Variants in NAV3 observed in about 807,000 individuals in gnomAD.
NAV3 encodes the protein neuron navigator 3.
NAV3 carries 87 observed loss-of-function variants against 244.7 expected under a neutral mutation model. That is an observed-to-expected ratio of 0.36 (90% CI 0.30 to 0.42). The LOEUF is 0.42. NAV3 is among the 20% of genes least tolerant of loss of function. NAV3 has a pLI of 1.00. For missense variants in NAV3, 2,663 were observed against 2,893.3 expected (o/e 0.92, Z 1.83); for synonymous variants, 1,126 against 1,042.2 (o/e 1.08, Z -1.55).
At chr12:77,593,560 C>T (rs1870016339) in intron 2 of NAV3, among the ~76,000 whole-genome samples, 1 of 151,004 alleles carries the variant, frequency 6.6e-6, no homozygotes, top group Admixed American at 6.6e-5. Context: ...AGCGATTCTC[C>T]TGCCTTGGCC....
At chr12:77,874,824 AG>A (rs1881610683) in intron 1 of NAV3, among the ~76,000 whole-genome samples, 2 of 152,142 alleles carry the variant, frequency 1.3e-5, no homozygotes, top group Non-Finnish European at 2.9e-5. Context: ...CAATGAATTA[AG>A]CATCAGAGAC....
chr12:77,601,742 G>C (rs1484339486), intron 2 of NAV3, among the ~76,000 whole-genome samples: 1 of 151,978 alleles, frequency 6.6e-6, no homozygotes, highest in East Asian at 1.9e-4. Context: ...GGCTCCTGAA[G>C]AATAGACTGT....
intron 2 of NAV3, among the ~76,000 whole-genome samples, chr12:77,729,616 G>T (rs542096082): frequency 6.6e-6 from 1 of 151,844 alleles, no homozygotes. Context: ...AATAAACAAC[G>T]TTTTACCTCT....
chr12:77,939,808 A>G (rs1424377252), intron 1 of NAV3, among the ~76,000 whole-genome samples: 5 of 152,164 alleles, frequency 3.3e-5, no homozygotes, highest in African/African-American at 9.7e-5. Flanking sequence ...ATCCAAATCA[A>G]ATTTCTTAGA....
At chr12:77,591,116 G>A (rs1043082578) in intron 2 of NAV3, among the ~76,000 whole-genome samples, 7 of 152,112 alleles carry the variant, frequency 4.6e-5, no homozygotes, top group African/African-American at 1.7e-4. Context: ...AAATATATGA[G>A]ATAAAAACTG....
At chr12:77,929,073 A>G (rs1328607463) in intron 1 of NAV3, among the ~76,000 whole-genome samples, 1 of 152,198 alleles carries the variant, frequency 6.6e-6, no homozygotes, top group Non-Finnish European at 1.5e-5. Flanking sequence ...GAGTACTTGA[A>G]AAGTTAAATG....
chr12:77,809,818 G>A (rs965505640), intron 2 of NAV3, among the ~76,000 whole-genome samples: 3 of 152,112 alleles, frequency 2.0e-5, no homozygotes, highest in Admixed American at 6.5e-5. Flanking sequence ...CAAAACCACT[G>A]TTGTATGGCT....
intron 2 of NAV3, among the ~76,000 whole-genome samples, chr12:77,594,510 G>C (rs772377): frequency 0.049 from 7,492 of 152,246 alleles, 218 homozygotes; most frequent in Middle Eastern, 0.078. Context: ...TATTTACTTG[G>C]AAGGAATGTT....
In NAV3 at chr12:77,739,340, TTAAAA is replaced by T. The variant is rs1868286532; in HGVS notation, c.72+167079_72+167083del. Among the ~76,000 whole-genome samples the T allele has an allele frequency of 2.6e-5, 4 of 152,352 alleles. No homozygotes were observed. The South Asian group carries it at 8.3e-4, about 32-fold the overall frequency. ...TTTAAAAAAGATAGTATATATTTTC[TTAAAA>T]TAAAGGCATTATACATTTCTGGGTT... is the stretch of plus-strand genomic sequence containing the variant. On this transcript the variant is annotated intron_variant, in intron 2 of 8. Transcript: ENST00000550042.
intron 12 of NAV3, among the ~76,000 whole-genome samples, chr12:78,084,932 T>C (rs577787108): frequency 3.4e-4 from 52 of 152,192 alleles, no homozygotes; most frequent in Middle Eastern, 3.4e-3. Context: ...GATGTTTGAA[T>C]AGAAGAGTAA....
At chr12:77,699,504 T>C (rs2137196318) in intron 2 of NAV3, among the ~76,000 whole-genome samples, 1 of 152,128 alleles carries the variant, frequency 6.6e-6, no homozygotes, top group East Asian at 1.9e-4. Context: ...GTCTCTATGA[T>C]ATCTGGGGCC....
intron 3 of NAV3, among the ~76,000 whole-genome samples, chr12:77,954,174 T>C (rs1280527784): frequency 6.6e-6 from 1 of 152,238 alleles, no homozygotes; most frequent in African/African-American, 2.4e-5. Context: ...TGTGAACTTA[T>C]GAAATGTGTG....
intron 5 of NAV3, among the ~76,000 whole-genome samples, chr12:77,985,403 AG>A (rs1339143684): frequency 1.3e-5 from 2 of 152,176 alleles, no homozygotes; most frequent in Admixed American, 6.5e-5. Flanking sequence ...AGGAATGTGA[AG>A]CTGCTTTCTT....
intron 9 of NAV3, among the ~76,000 whole-genome samples, chr12:78,049,544 G>C (rs569135420): frequency 6.6e-6 from 1 of 152,306 alleles, no homozygotes; most frequent in Admixed American, 6.5e-5. Flanking sequence ...TGCACCCACT[G>C]TCTAATCAGT....
At chr12:78,163,608 G>T (rs544378555) in intron 23 of NAV3, among the ~76,000 whole-genome samples, 4 of 152,030 alleles carry the variant, frequency 2.6e-5, no homozygotes, top group African/African-American at 9.6e-5. Flanking sequence ...AAAAAATAGT[G>T]ATCAATCTGG....
intron 12 of NAV3, among the ~76,000 whole-genome samples, chr12:78,090,685 G>GT (rs980323830): frequency 6.6e-6 from 1 of 151,996 alleles, no homozygotes; most frequent in African/African-American, 2.4e-5. Flanking sequence ...AATATTTTAA[G>GT]TTTTTCAGGA....
At chr12:77,829,837 G>A (rs1399266237), upstream of NAV3, among the ~76,000 whole-genome samples, 1 of 152,110 alleles carries the variant, frequency 6.6e-6, no homozygotes, top group African/African-American at 2.4e-5. Flanking sequence ...TAAAGACCTG[G>A]AAACAGTAGG....
At chr12:77,771,610 G>C (rs1360568188) in intron 2 of NAV3, among the ~76,000 whole-genome samples, 2 of 152,182 alleles carry the variant, frequency 1.3e-5, no homozygotes, top group African/African-American at 4.8e-5. Context: ...CATGTCCTTT[G>C]TAGGGACATG....
chr12:78,178,199 AC>A (rs1473775110), intron 28 of NAV3, among the ~76,000 whole-genome samples: 1 of 145,362 alleles, frequency 6.9e-6, no homozygotes, highest in Non-Finnish European at 1.5e-5. Context: ...TCACTCTGTC[AC>A]CCAAGCTCGA....
Sources: allele counts gnomAD v4.1 joint callset (sites outside exome capture counted in the v4.1 genomes callset), GRCh38; gene constraint gnomAD v4.1.1; transcripts MANE v1.5; gene names NCBI Gene and HGNC (gene_info 2026-07-23, HGNC 2026-07-21).